Variants in ZFYVE26 observed in about 807,000 individuals in gnomAD.
ZFYVE26 encodes the protein zinc finger FYVE-type containing 26, also known as zinc finger FYVE domain-containing protein 26.
ZFYVE26 carries 181 observed loss-of-function variants against 276.5 expected under a neutral mutation model. That is an observed-to-expected ratio of 0.65 (90% CI 0.58 to 0.74). The LOEUF (loss-of-function observed/expected upper bound fraction) is 0.74, where lower values mean the gene tolerates loss of function less well. ZFYVE26 is among the 30% of genes least tolerant of loss of function. ZFYVE26 has a pLI of 0.00. For missense variants in ZFYVE26, 2,821 were observed against 3,097.9 expected (o/e 0.91, Z 2.12); for synonymous variants, 1,129 against 1,203.1 (o/e 0.94, Z 1.27).
chr14:67,766,177 T>C, intron 32 of ZFYVE26, 50 bp downstream of exon 32: 3 of 1,575,764 alleles, frequency 1.9e-6, no homozygotes. Context: ...AAAAAGAAGC[T>C]GGCTAGAAAC....
chr14:67,737,089 T>C (rs1360659878), intron 13 of ZFYVE26, among the ~76,000 whole-genome samples: 4 of 14,392 alleles, frequency 2.8e-4, no homozygotes, highest in Non-Finnish European at 2.4e-3. Context: ...TTTTCTTTTC[T>C]TTTTTTTTTT....
At position 67,747,624 on chromosome 14, in the gene ZFYVE26, T is replaced by A. The variant is rs2038516591; in HGVS notation, c.*812A>T. 1 of 152,348 alleles carries A rather than the reference T, an allele frequency of 6.6e-6. No homozygotes were observed. The highest frequency in any genetic ancestry group is 1.5e-5 in the Non-Finnish European group (1 of 68,152). The allele number at this position is 152,348 out of a possible 1,614,324, so 9.4% of individuals were successfully genotyped here. A position where few individuals can be genotyped will look rare whatever the true frequency, so the allele number is the denominator to read the frequency against. ...CAGGGACATTCACAACAGGCAGCTC[T>A]GTGCTTGTGAGCACCCGCTCCCCCC... On this transcript the variant is annotated 3_prime_UTR_variant, in exon 42 of 42. Transcript: ENST00000347230.
At chr14:67,803,693 T>C (rs1308786854) in intron 9 of ZFYVE26, among the ~76,000 whole-genome samples, 1 of 151,864 alleles carries the variant, frequency 6.6e-6, no homozygotes, top group African/African-American at 2.4e-5. Context: ...GAGTATGAAG[T>C]GGACATGGGA....
chr14:67,734,851 C>T (rs999171998), intron 13 of ZFYVE26, among the ~76,000 whole-genome samples: 1 of 152,210 alleles, frequency 6.6e-6, no homozygotes, highest in Non-Finnish European at 1.5e-5. Context: ...AAGGAGGCTC[C>T]ACTTGCAGAA....
intron 28 of ZFYVE26, among the ~76,000 whole-genome samples, chr14:67,771,214 G>C (rs1008992965): frequency 5.9e-5 from 9 of 152,128 alleles, no homozygotes; most frequent in African/African-American, 2.2e-4. Flanking sequence ...ACTTAAAATT[G>C]AGAACATGTG....
chr14:67,742,832 CTTCTTCTTTTTT>C (rs2038430917), downstream of ZFYVE26, among the ~76,000 whole-genome samples: 1 of 13,930 alleles, frequency 7.2e-5, no homozygotes, highest in Non-Finnish European at 1.9e-4. Context: ...CTTCTTTCTT[CTTCTTCTTTTTT>C]TTTTTTTTTT....
chr14:67,755,278 C>T, intron 36 of ZFYVE26, 28 bp from the exon 37 acceptor site: 1 of 1,612,722 alleles, frequency 6.2e-7, no homozygotes, highest in Middle Eastern at 1.7e-4. Flanking sequence ...ATGTTCAGGT[C>T]AAAGTAGATC....
chr14:67,792,866 C>T (rs1217174904), intron 14 of ZFYVE26, among the ~76,000 whole-genome samples: 11 of 139,102 alleles, frequency 7.9e-5, no homozygotes, highest in East Asian at 4.5e-4. Flanking sequence ...GAGCTGGGAT[C>T]GCGCCACTGC....
intron 33 of ZFYVE26, 94 bp downstream of exon 33, chr14:67,762,578 C>G: frequency 6.3e-7 from 1 of 1,595,326 alleles, no homozygotes; most frequent in Non-Finnish European, 8.5e-7. Flanking sequence ...ATGGGCAGGA[C>G]AACTGAGAGA....
intron 41 of ZFYVE26, chr14:67,750,642 GA>G (rs1323473269): frequency 3.7e-5 from 9 of 243,824 alleles, no homozygotes; most frequent in African/African-American, 2.0e-4. Context: ...GTGGGGTGGG[GA>G]TTTTTTTCTT....
At position 67,808,521 on chromosome 14, in the gene ZFYVE26, C is replaced by A. The variant is rs186348821; in HGVS notation, c.364-601G>T. ...TCCTCAGTCACCTAAAAGCAAGAAC[C>A]TCTAGAGCCTATCCTCTGTTTGCAG... On this transcript the variant is annotated intron_variant, in intron 4 of 41. Coordinates refer to ENST00000347230, the MANE Select transcript of ZFYVE26 (RefSeq NM_015346.4). Among the ~76,000 whole-genome samples, 36 of 152,016 alleles carry A rather than the reference C, an allele frequency of 2.4e-4. No homozygotes were observed. The East Asian group carries it at 7.0e-3, about 30-fold the overall frequency.
rs1422237227 is a variant in ZFYVE26, at chr14:67,805,560, T to C, written c.1076A>G (p.Asp359Gly). The C allele has an allele frequency of 3.1e-6, 5 of 1,614,206 alleles. No homozygotes were observed. The South Asian group carries it at 5.5e-5, about 18-fold the overall frequency. The change falls in exon 7 of 42, where the codon GAT (aspartate) becomes GGT (glycine). Residue 359 changes from aspartate to glycine, a missense_variant. Transcript: ENST00000347230. ...GCAACTGAGGGGCCTGAATTCTCTA[T>C]CAAGTAGGCAGCCAAGATTTGGGAA... ...EDFPNLGCLL[D>G]REFRPLSCLL...
chr14:67,750,887 C>T, intron 41 of ZFYVE26, 165 bp downstream of exon 41: 1 of 856,806 alleles, frequency 1.2e-6, no homozygotes, highest in Non-Finnish European at 1.9e-6. Context: ...CATCTATTCC[C>T]TCCTTTCTAC....
At chr14:67,756,878 C>T (rs182915478) in intron 35 of ZFYVE26, among the ~76,000 whole-genome samples, 4 of 152,346 alleles carry the variant, frequency 2.6e-5, no homozygotes, top group Admixed American at 2.6e-4. Flanking sequence ...GTCTACTGAA[C>T]ATGGCCACTT....
At chr14:67,778,417 TACCA>T (rs1440576571) in intron 23 of ZFYVE26, 169 bp from the exon 24 acceptor site, 5 of 790,690 alleles carry the variant, frequency 6.3e-6, no homozygotes, top group Non-Finnish European at 1.0e-5. Context: ...CTCTTAGCAC[TACCA>T]TAAAAAAAAG....
At chr14:67,756,173 A>C in intron 35 of ZFYVE26, 28 bp from the exon 36 acceptor site, 1 of 1,612,810 alleles carries the variant, frequency 6.2e-7, no homozygotes. Context: ...GAGAAGTCAG[A>C]AGTCTTGAGC....
At chr14:67,751,234 G>T in intron 40 of ZFYVE26, 138 bp from the exon 41 acceptor site, 1 of 880,016 alleles carries the variant, frequency 1.1e-6, no homozygotes, top group Non-Finnish European at 1.8e-6. Flanking sequence ...TCAAAGACAT[G>T]GGGTCTCACT....
intron 38 of ZFYVE26, 130 bp from the exon 39 acceptor site, chr14:67,753,896 C>A: frequency 6.8e-7 from 1 of 1,479,114 alleles, no homozygotes; most frequent in East Asian, 2.3e-5. Flanking sequence ...GTGCCAGGCA[C>A]TAGGGATATA....
chr14:67,816,033 T>C lies in ZFYVE26; in HGVS notation c.-70A>G. 1 of 1,314,894 alleles carries C rather than the reference T, an allele frequency of 7.6e-7. No individual in the cohort carries two copies. The highest frequency in any genetic ancestry group is 1.0e-6 in the Non-Finnish European group (1 of 953,092). 81.5% of individuals were successfully genotyped at this position (1,314,894 alleles called of 1,614,324 possible). ...CCGAACACATTCTCAATGTTCTCAT[T>C]CGCGGAGTACCTCCTAGAAACAACA... On this transcript the variant is annotated 5_prime_UTR_variant, in exon 2 of 42. Transcript: ENST00000347230.
Sources: gnomAD v4.1 joint callset for allele counts (sites outside exome capture counted in the v4.1 genomes callset) on GRCh38, gnomAD v4.1.1 for gene constraint, MANE v1.5 for transcripts, NCBI Gene and HGNC (gene_info 2026-07-23, HGNC 2026-07-21) for gene names.